Variants in ZW10 observed in about 807,000 individuals in gnomAD.
ZW10 encodes the protein zw10 kinetochore protein, also known as centromere/kinetochore protein zw10 homolog.
Under a neutral mutation model 87.8 loss-of-function variants are expected in ZW10, and 53 were observed. The observed-to-expected ratio is 0.60, with a 90% confidence interval of 0.48 to 0.76. The LOEUF is 0.76. Among genes scored for constraint, ZW10 ranks in the 30% least tolerant of loss-of-function variants. The pLI, the probability that ZW10 is intolerant of heterozygous loss-of-function variation, is 0.00. For missense variants in ZW10, 837 were observed against 923.0 expected (o/e 0.91, Z 1.21); for synonymous variants, 312 against 329.2 (o/e 0.95, Z 0.57).
chr11:113,754,385 TGAGGCACGAGAATCGCTTGAACCCAG>T (rs1953761803), intron 7 of ZW10, among the ~76,000 whole-genome samples: 1 of 152,048 alleles, frequency 6.6e-6, no homozygotes, highest in Non-Finnish European at 1.5e-5. Flanking sequence ...CTCAGGAGGC[TGAGGCACGAGAATCGCTTGAACCCAG>T]GAGGCAGAGG....
intron 2 of ZW10, among the ~76,000 whole-genome samples, chr11:113,764,564 C>T (rs1484795546): frequency 6.6e-6 from 1 of 151,884 alleles, no homozygotes; most frequent in African/African-American, 2.4e-5. Flanking sequence ...TATTTAAATT[C>T]ATCTTCTATA....
chr11:113,745,742 C>A (rs1555033118), intron 9 of ZW10, among the ~76,000 whole-genome samples: 1 of 152,066 alleles, frequency 6.6e-6, no homozygotes, highest in Admixed American at 6.6e-5. Context: ...AATGTAAAAA[C>A]CAAACAACAA....
Position 113,739,233 on chromosome 11 carries a change from A to G in ZW10, c.1733T>C (p.Val578Ala). ...CDGTATFVDL[V>A]PGFRRLGTEC... is the part of the protein sequence containing the mutation. Reference sequence around the variant, plus strand: ...GTTACCAAGTCTCCTGAAGCCAGGTACAAGATCCACAAAAGTAGCAGTGCC... The same window carrying G: ...GTTACCAAGTCTCCTGAAGCCAGGTGCAAGATCCACAAAAGTAGCAGTGCC... The change falls in exon 12 of 16, where the codon GTA (valine) becomes GCA (alanine). Residue 578 changes from valine (V) to alanine (A), a missense_variant. Coordinates refer to ENST00000200135, the MANE Select transcript of ZW10 (RefSeq NM_004724.4). 1.9e-6 allele frequency: 3 copies of G among 1,613,972 alleles called. No homozygotes were observed. The highest frequency in any genetic ancestry group is 8.5e-7 in the Non-Finnish European group (1 of 1,179,926).
Position 113,748,176 on chromosome 11 carries a change from A to G in ZW10, c.1089+81T>C, listed in dbSNP as rs1260084908. 2.2e-6 allele frequency: 3 copies of G among 1,349,854 alleles called. No homozygotes were observed. In the African/African-American group the frequency reaches 4.4e-5, roughly 20 times the overall value. 83.6% of individuals were successfully genotyped at this position (1,349,854 alleles called of 1,614,324 possible). ...TACTTAAAGGTATAACTAAAGAACAAACTATCTCCAAGGAAAAACAAAAGA... is the reference window on the plus strand; with the variant it reads ...TACTTAAAGGTATAACTAAAGAACAGACTATCTCCAAGGAAAAACAAAAGA... On this transcript the variant is annotated intron_variant, in intron 8 of 15. Coordinates refer to ENST00000200135, the MANE Select transcript of ZW10 (RefSeq NM_004724.4).
intron 3 of ZW10, 99 bp from the exon 4 acceptor site, chr11:113,760,689 T>G: frequency 4.4e-5 from 32 of 734,272 alleles, no homozygotes; most frequent in Non-Finnish European, 6.0e-5. Flanking sequence ...CCCTCCCCCC[T>G]CTAAAAAAAA....
rs182702206 is a variant in ZW10, at chr11:113,764,539, G to C, written c.241-3621C>G. Among the ~76,000 whole-genome samples the C allele has an allele frequency of 2.0e-5, 3 of 152,170 alleles. No individual in the cohort carries two copies. The East Asian group carries it at 5.8e-4, about 29-fold the overall frequency. On this transcript the variant is annotated intron_variant, in intron 2 of 15. Coordinates refer to ENST00000200135, the MANE Select transcript of ZW10 (RefSeq NM_004724.4). ...CTATTATTTCCTTGAGTAGTGGTTT[G>C]TAGTAAAAATATTTTATTTAAATTC...
rs781318009 is a variant in ZW10, at chr11:113,768,907, C to T, written c.166G>A (p.Ala56Thr). 1.9e-5 allele frequency: 31 copies of T among 1,613,930 alleles called. No homozygotes were observed. The highest frequency in any genetic ancestry group is 1.4e-4 in the South Asian group (13 of 91,074). The change falls in exon 2 of 16, where the codon GCG becomes ACG. Residue 56 changes from alanine to threonine, a missense_variant. Transcript: ENST00000200135. The stretch of plus-strand genomic sequence containing the variant: ...TCCACCTGGGTAATCAGGCCCTGCG[C>T]GCTCTGCATGCTAGGCAGGAATTCA... ...YSEFLPSMQS[A>T]QGLITQVDKL...
intron 2 of ZW10, among the ~76,000 whole-genome samples, chr11:113,767,713 C>G (rs776054275): frequency 6.6e-6 from 1 of 152,236 alleles, no homozygotes; most frequent in South Asian, 2.1e-4. Context: ...ACAGGGCCAT[C>G]AAGATAACGT....
chr11:113,772,535 T>C (rs1591426844), intron 1 of ZW10, among the ~76,000 whole-genome samples: 1 of 152,148 alleles, frequency 6.6e-6, no homozygotes. Context: ...GGACAAATAC[T>C]GGCAAGGTAA....
Position 113,739,265 on chromosome 11 carries a change from A to G in ZW10, c.1701T>C (p.Leu567=), listed in dbSNP as rs778834616. 6.2e-7 allele frequency: 1 copy of G among 1,613,990 alleles called. No individual in the cohort carries two copies. The highest frequency in any genetic ancestry group is 2.2e-5 in the East Asian group (1 of 44,870). ...CCACAAAAGTAGCAGTGCCATCACA[A>G]AGAATGGGGGCAAGACGCAATCTGA... ...HQFRLRLAPI[L]CDGTATFVDL... is the part of the protein sequence containing the mutation. The change falls in exon 12 of 16, where the codon CTT becomes CTC. Residue 567 remains leucine, a synonymous_variant. Transcript: ENST00000200135.
intron 1 of ZW10, among the ~76,000 whole-genome samples, chr11:113,770,860 CTG>C (rs1311589183): frequency 6.6e-6 from 1 of 151,190 alleles, no homozygotes; most frequent in Non-Finnish European, 1.5e-5. Flanking sequence ...ATGCTGCACT[CTG>C]TGTTTGTGCT....
intron 7 of ZW10, among the ~76,000 whole-genome samples, chr11:113,749,534 C>A (rs1057292009): frequency 2.0e-5 from 3 of 152,098 alleles, no homozygotes; most frequent in East Asian, 1.9e-4. Flanking sequence ...AACACACACA[C>A]AAGCATGTAA....
chr11:113,748,649 C>T (rs1396389541), intron 7 of ZW10, among the ~76,000 whole-genome samples: 2 of 152,170 alleles, frequency 1.3e-5, no homozygotes, highest in South Asian at 2.1e-4. Flanking sequence ...TACTCTGTAA[C>T]AATGAGGTAT....
At chr11:113,762,923 C>A (rs1953876569) in intron 2 of ZW10, among the ~76,000 whole-genome samples, 1 of 152,170 alleles carries the variant, frequency 6.6e-6, no homozygotes, top group Non-Finnish European at 1.5e-5. Flanking sequence ...AAATGGGATA[C>A]ATGTGCAGAA....
At chr11:113,754,484 CA>C (rs1488377234) in intron 7 of ZW10, among the ~76,000 whole-genome samples, 1 of 152,018 alleles carries the variant, frequency 6.6e-6, no homozygotes, top group Non-Finnish European at 1.5e-5. Context: ...GACTCCATCT[CA>C]AAAAAATTCC....
At chr11:113,742,825 A>G (rs10502176) in intron 10 of ZW10, among the ~76,000 whole-genome samples, 12,966 of 152,266 alleles carry the variant, frequency 0.085, 601 homozygotes, top group Middle Eastern at 0.18. Context: ...TAAAGCTAGG[A>G]AAGTATCTTG....
chr11:113,758,329 T>A (rs1279949819), intron 6 of ZW10, among the ~76,000 whole-genome samples: 1 of 149,638 alleles, frequency 6.7e-6, no homozygotes, highest in Non-Finnish European at 1.5e-5. Flanking sequence ...CAGATTTTTA[T>A]TTAAATTATT....
chr11:113,765,732 A>G (rs908735070), intron 2 of ZW10, among the ~76,000 whole-genome samples: 10 of 152,170 alleles, frequency 6.6e-5, no homozygotes, highest in African/African-American at 2.4e-4. Context: ...TTGGAAGACA[A>G]TTCTCTAGAG....
chr11:113,757,581 T>C, intron 7 of ZW10, 81 bp downstream of exon 7: 1 of 1,115,372 alleles, frequency 9.0e-7, no homozygotes, highest in Admixed American at 2.7e-5. Flanking sequence ...ATTATAGGCA[T>C]TTCTACTTTA....
Sources: gnomAD v4.1 joint callset for allele counts (sites outside exome capture counted in the v4.1 genomes callset) on GRCh38, gnomAD v4.1.1 for gene constraint, MANE v1.5 for transcripts, NCBI Gene and HGNC (gene_info 2026-07-23, HGNC 2026-07-21) for gene names.